ARID5B: variants seen among roughly 807,000 people sequenced by gnomAD.
ARID5B encodes AT-rich interaction domain 5B.
ARID5B carries 13 observed loss-of-function variants against 97.2 expected under a neutral mutation model. That is an observed-to-expected ratio of 0.13 (90% confidence interval 0.09 to 0.21). The LOEUF is 0.21. Ranked by LOEUF, ARID5B falls within the 10% of genes least tolerant of loss-of-function variation. The pLI, the probability that ARID5B is intolerant of heterozygous loss-of-function variation, is 1.00. For synonymous variants in ARID5B, 556 were observed against 570.3 expected, an observed-to-expected ratio of 0.97 and a Z score of 0.36; for missense variants, 1,210 against 1,465.3, an observed-to-expected ratio of 0.83 and a Z score of 2.84.
At position 61,925,870 on chromosome 10, in the gene ARID5B, G is replaced by A. The variant is rs1176451155; in HGVS notation, c.277-14313G>A. Among the ~76,000 whole-genome samples, 5 of 152,240 alleles carry A rather than the reference G, an allele frequency of 3.3e-5. No individual in the cohort carries two copies. In the South Asian group the frequency reaches 8.3e-4, roughly 25 times the overall value. On this transcript the variant is annotated intron_variant, in intron 2 of 9. Transcript: ENST00000279873. ...GGCTATAACCATGAAGGATGGTCGC[G>A]TTACATTTAACAAAGCGTGCCTCAG... is the stretch of plus-strand genomic sequence containing the variant.
rs554654611 is a variant in ARID5B at position 62,093,413 on chromosome 10, A to G, written c.*383A>G. On this transcript the variant is annotated 3_prime_UTR_variant, in exon 10 of 10. Transcript: ENST00000279873. ...GGCATTTCAAAGGAAGGGGCAAGGA[A>G]GACTGGCAAACAGATGGCAAGGGAT... The G allele has an allele frequency of 3.8e-6, 1 of 262,862 alleles. No individual in the cohort carries two copies. Among genetic ancestry groups the G allele is most frequent in the South Asian group, 1.4e-4 (1 of 6,926 alleles). The allele number at this position is 262,862 out of a possible 1,614,324, so 16.3% of individuals were successfully genotyped here.
At chr10:61,996,895 A>AAAT (rs1554843346) in intron 3 of ARID5B, among the ~76,000 whole-genome samples, 2,101 of 146,152 alleles carry the variant, frequency 0.014, 43 homozygotes, top group African/African-American at 0.051. Flanking sequence ...GAAAAAAAAA[A>AAAT]ATATATATAT....
intron 4 of ARID5B, among the ~76,000 whole-genome samples, chr10:62,035,396 T>C (rs1839549668): frequency 6.6e-6 from 1 of 151,020 alleles, no homozygotes; most frequent in African/African-American, 2.4e-5. Flanking sequence ...CAACATAATC[T>C]CTTTAGACTG....
At chr10:61,948,220 C>A (rs999716284) in intron 3 of ARID5B, among the ~76,000 whole-genome samples, 1 of 152,028 alleles carries the variant, frequency 6.6e-6, no homozygotes, top group East Asian at 1.9e-4. Flanking sequence ...TTCTGAAACT[C>A]TTTATAGAAT....
At chr10:61,930,240 G>A (rs1047835301) in intron 2 of ARID5B, among the ~76,000 whole-genome samples, 12 of 152,208 alleles carry the variant, frequency 7.9e-5, no homozygotes, top group African/African-American at 2.9e-4. Flanking sequence ...ATGTAGAGGT[G>A]ATAGATGTTG....
At chr10:61,912,172 T>A (rs991111095) in intron 2 of ARID5B, among the ~76,000 whole-genome samples, 1 of 152,210 alleles carries the variant, frequency 6.6e-6, no homozygotes, top group African/African-American at 2.4e-5. Flanking sequence ...GATCGCAGTA[T>A]AACTGGAGAC....
intron 8 of ARID5B, among the ~76,000 whole-genome samples, chr10:62,083,665 A>T (rs958984157): frequency 6.6e-6 from 1 of 152,238 alleles, no homozygotes; most frequent in Non-Finnish European, 1.5e-5. Flanking sequence ...TTGAGTTCCC[A>T]TGGCAACAAA....
rs367834035 is a variant in ARID5B, at chr10:62,051,006, G to A, written c.846+6G>A. ...ATGGCAAAGCCGTTGCCAAGGTACG[G>A]TCATTCACTCCACGGTATTCATTTC... is the stretch of plus-strand genomic sequence containing the variant. On this transcript the variant is annotated splice_donor_region_variant and intron_variant, in intron 5 of 9. Transcript: ENST00000279873. 3.1e-6 allele frequency: 5 copies of A among 1,603,454 alleles called. No homozygotes were observed. The South Asian group carries it at 5.5e-5, about 18-fold the overall frequency.
chr10:61,925,365 A>C (rs537281071), intron 2 of ARID5B, among the ~76,000 whole-genome samples: 1 of 152,202 alleles, frequency 6.6e-6, no homozygotes, highest in Admixed American at 6.5e-5. Flanking sequence ...AATTGGGCTC[A>C]TTTATCTTCT....
At chr10:62,016,897 G>A (rs1270006630) in intron 4 of ARID5B, among the ~76,000 whole-genome samples, 1 of 152,144 alleles carries the variant, frequency 6.6e-6, no homozygotes, top group Admixed American at 6.5e-5. Flanking sequence ...GTGTTATGAG[G>A]CTATGTACAA....
intron 2 of ARID5B, among the ~76,000 whole-genome samples, chr10:61,925,951 T>C (rs1844097651): frequency 6.6e-6 from 1 of 152,170 alleles, no homozygotes; most frequent in African/African-American, 2.4e-5. Flanking sequence ...TTTCCAAAAT[T>C]CATCGAGCCA....
At position 62,014,886 on chromosome 10, in the gene ARID5B, G is replaced by A. The variant is rs559963508; in HGVS notation, c.733+14565G>A. Among the ~76,000 whole-genome samples the A allele has an allele frequency of 1.5e-3, 230 of 152,242 alleles. 1 individual carries two copies. The highest frequency in any genetic ancestry group is 5.4e-3 in the African/African-American group (223 of 41,534). The stretch of plus-strand genomic sequence containing the variant: ...CTGCATCTATTTTCCAGGATTTGTA[G>A]GGTATATGAAACCTCAGATTAAGAA... On this transcript the variant is annotated intron_variant, in intron 4 of 9. Coordinates refer to ENST00000279873, the MANE Select transcript of ARID5B (RefSeq NM_032199.3).
At chr10:61,903,047 G>T (rs1843643775) in intron 2 of ARID5B, among the ~76,000 whole-genome samples, 1 of 152,126 alleles carries the variant, frequency 6.6e-6, no homozygotes, top group African/African-American at 2.4e-5. Flanking sequence ...GCACAAACAC[G>T]TTAAGCATTA....
chr10:62,041,331 C>G lies in ARID5B; in HGVS notation c.734-9557C>G, dbSNP rs1168467644. Among the ~76,000 whole-genome samples, 6 of 152,168 alleles carry G rather than the reference C, an allele frequency of 3.9e-5. No homozygotes were observed. The South Asian group carries it at 1.2e-3, about 32-fold the overall frequency. The stretch of plus-strand genomic sequence containing the variant: ...CTGAGGTACTTAGTTGGGGATGGTG[C>G]TGGTGCCCTCATAGGGAGGAAGGGT... On this transcript the variant is annotated intron_variant, in intron 4 of 9. Coordinates refer to ENST00000279873, the MANE Select transcript of ARID5B (RefSeq NM_032199.3).
chr10:62,013,794 G>GTATATATATATATATATATATATA (rs60930079), intron 4 of ARID5B, among the ~76,000 whole-genome samples: 2 of 138,938 alleles, frequency 1.4e-5, no homozygotes, highest in Admixed American at 1.6e-4. Flanking sequence ...ATTCCATTGG[G>GTATATATATATATATATATATATA]TATATATATA....
intron 3 of ARID5B, among the ~76,000 whole-genome samples, chr10:61,972,225 C>CTTTTTTT (rs71022106): frequency 1.8e-5 from 2 of 112,708 alleles, no homozygotes; most frequent in Non-Finnish European, 1.7e-5. Flanking sequence ...TTATATCATG[C>CTTTTTTT]TTTTTTTTTT....
chr10:62,046,518 A>G (rs1839710317), intron 4 of ARID5B: 1 of 152,260 alleles, frequency 6.6e-6, no homozygotes, highest in Admixed American at 6.5e-5. Context: ...GAGTTTAAAA[A>G]GAAAAAACAA....
chr10:61,949,044 A>G (rs1439203689), intron 3 of ARID5B, among the ~76,000 whole-genome samples: 3 of 152,204 alleles, frequency 2.0e-5, no homozygotes, highest in African/African-American at 7.2e-5. Flanking sequence ...CTCAATATCA[A>G]TGTTGTGCCT....
chr10:62,031,815 T>C (rs896094106), intron 4 of ARID5B, among the ~76,000 whole-genome samples: 20 of 152,190 alleles, frequency 1.3e-4, no homozygotes, highest in Non-Finnish European at 2.4e-4. Flanking sequence ...GCCAGATCTC[T>C]CAACTCCTTA....
Sources: allele counts gnomAD v4.1 joint callset (sites outside exome capture counted in the v4.1 genomes callset), GRCh38; gene constraint gnomAD v4.1.1; transcripts MANE v1.5; gene names NCBI Gene and HGNC (gene_info 2026-07-23, HGNC 2026-07-21).